Variants in PRIM2 observed in about 807,000 individuals in gnomAD.
PRIM2 encodes DNA primase subunit 2.
In PRIM2, 39 loss-of-function variants were observed where a neutral mutation model predicts 67.3. The observed-to-expected ratio is 0.58, with a 90% CI of 0.45 to 0.76. The LOEUF is 0.76. PRIM2 is among the 30% of genes least tolerant of loss of function. The probability of loss-of-function intolerance (pLI) is 0.00; values close to 1 mark genes in which losing one functional copy is unlikely to be tolerated. For synonymous variants in PRIM2, 143 were observed against 198.7 expected (o/e 0.72, Z 2.36); for missense variants, 398 against 598.7 (o/e 0.66, Z 3.50).
chr6:57,335,007 C>A (rs1414942067), intron 5 of PRIM2, among the ~76,000 whole-genome samples: 6 of 152,188 alleles, frequency 3.9e-5, no homozygotes, highest in Non-Finnish European at 7.3e-5. Context: ...GGTGCGCGCA[C>A]CGTGCACGAG....
At chr6:57,526,675 G>A (rs1247575299) in intron 8 of PRIM2, among the ~76,000 whole-genome samples, 2 of 152,138 alleles carry the variant, frequency 1.3e-5, no homozygotes, top group Non-Finnish European at 2.9e-5. Context: ...TATGCTTACT[G>A]AATCCCTTAC....
At chr6:57,307,628 G>T in the PRIM2 span, among the ~76,000 whole-genome samples, 1 of 152,144 alleles carries the variant, frequency 6.6e-6, no homozygotes, top group Non-Finnish European at 1.5e-5. Context: ...GGGCTTACTC[G>T]AAGTCAATAT....
chr6:57,336,490 A>G (rs553357775), intron 5 of PRIM2, among the ~76,000 whole-genome samples: 72 of 152,380 alleles, frequency 4.7e-4, no homozygotes, highest in Non-Finnish European at 8.7e-4. Flanking sequence ...AGGGAAGCCC[A>G]TCAGACTAAC....
At chr6:57,555,560 G>A (rs1290880948) in intron 10 of PRIM2, among the ~76,000 whole-genome samples, 48,508 of 152,038 alleles carry the variant, frequency 0.32, 7,689 homozygotes, top group East Asian at 0.44. Context: ...GATTATAGGC[G>A]TGAGCCACCG....
intron 10 of PRIM2, among the ~76,000 whole-genome samples, chr6:57,541,831 G>C (rs1346725171): frequency 6.6e-6 from 1 of 152,180 alleles, no homozygotes; most frequent in Middle Eastern, 3.4e-3. Context: ...ACATTAGGTA[G>C]GGCAATCTGC....
intron 5 of PRIM2, among the ~76,000 whole-genome samples, chr6:57,336,083 G>A (rs560324603): frequency 1.3e-5 from 2 of 152,308 alleles, no homozygotes; most frequent in South Asian, 4.1e-4. Context: ...AGGAGCCGAT[G>A]CGATCAACTG....
At chr6:57,225,506 A>G in the PRIM2 span, among the ~76,000 whole-genome samples, 4 of 152,234 alleles carry the variant, frequency 2.6e-5, no homozygotes, top group Admixed American at 2.0e-4. Flanking sequence ...AAAGGTTTTG[A>G]AAGAAATTTT....
intron 5 of PRIM2, among the ~76,000 whole-genome samples, chr6:57,359,080 C>G (rs1769118186): frequency 6.6e-6 from 1 of 152,288 alleles, no homozygotes; most frequent in Admixed American, 6.5e-5. Flanking sequence ...ACTCATTACC[C>G]TTTAAATACT....
chr6:57,447,524 A>G (rs1772405482), intron 7 of PRIM2, among the ~76,000 whole-genome samples: 3 of 152,208 alleles, frequency 2.0e-5, no homozygotes, highest in Non-Finnish European at 4.4e-5. Context: ...TGAGAGAATG[A>G]GCATGGGTAG....
At chr6:57,644,329 C>T (rs1405781868) in intron 13 of PRIM2, among the ~76,000 whole-genome samples, 1 of 152,004 alleles carries the variant, frequency 6.6e-6, no homozygotes, top group Non-Finnish European at 1.5e-5. Context: ...GCTTTTCACC[C>T]TCTCCATCTT....
chr6:57,502,765 A>G (rs1231281104), intron 7 of PRIM2, among the ~76,000 whole-genome samples: 1 of 152,152 alleles, frequency 6.6e-6, no homozygotes, highest in Non-Finnish European at 1.5e-5. Flanking sequence ...TTCTCCTTCC[A>G]GATTTATGAA....
At chr6:57,398,392 T>G (rs1770596165) in intron 7 of PRIM2, among the ~76,000 whole-genome samples, 1 of 152,224 alleles carries the variant, frequency 6.6e-6, no homozygotes, top group Admixed American at 6.5e-5. Context: ...AATTTCTGCC[T>G]TAATTTCATT....
At chr6:57,263,402 G>T in the PRIM2 span, among the ~76,000 whole-genome samples, 1 of 152,188 alleles carries the variant, frequency 6.6e-6, no homozygotes, top group African/African-American at 2.4e-5. Flanking sequence ...CCAGCTTCTG[G>T]TGGCTCTTGG....
chr6:57,300,461 G>A, the PRIM2 span, among the ~76,000 whole-genome samples: 3 of 152,116 alleles, frequency 2.0e-5, no homozygotes, highest in Non-Finnish European at 4.4e-5. Flanking sequence ...GTATGTGCGT[G>A]TGTGTGTGCA....
intron 5 of PRIM2, among the ~76,000 whole-genome samples, chr6:57,372,697 A>G (rs911221674): frequency 1.3e-5 from 2 of 152,188 alleles, no homozygotes; most frequent in Non-Finnish European, 2.9e-5. Flanking sequence ...AAATGAGAAC[A>G]TGTGGTATTT....
At chr6:57,406,225 T>C (rs1423660101) in intron 7 of PRIM2, among the ~76,000 whole-genome samples, 2 of 152,186 alleles carry the variant, frequency 1.3e-5, no homozygotes, top group Non-Finnish European at 2.9e-5. Context: ...TTTTAAGTTC[T>C]CTCATTTCTT....
At chr6:57,641,363 G>C (rs1336233330) in intron 13 of PRIM2, among the ~76,000 whole-genome samples, 1 of 151,944 alleles carries the variant, frequency 6.6e-6, no homozygotes, top group Non-Finnish European at 1.5e-5. Context: ...CAAAAGCAAC[G>C]GCAACAAAAG....
intron 7 of PRIM2, among the ~76,000 whole-genome samples, chr6:57,458,254 C>G (rs1304428063): frequency 7.2e-5 from 11 of 152,304 alleles, no homozygotes; most frequent in African/African-American, 2.6e-4. Flanking sequence ...AAAAAAACAT[C>G]ATGCATGTGT....
chr6:57,547,237 T>G (rs1203609383), intron 10 of PRIM2, among the ~76,000 whole-genome samples: 2 of 152,116 alleles, frequency 1.3e-5, no homozygotes, highest in African/African-American at 4.8e-5. Context: ...AAACCTTTAT[T>G]TATTTATTTT....
Sources: allele counts gnomAD v4.1 joint callset (sites outside exome capture counted in the v4.1 genomes callset), GRCh38; gene constraint gnomAD v4.1.1; transcripts MANE v1.5; gene names NCBI Gene and HGNC (gene_info 2026-07-23, HGNC 2026-07-21).